Variants in UGT1A9 observed in about 807,000 individuals in gnomAD.
UGT1A9 encodes the protein UDP-glucuronosyltransferase 1A9.
Under a neutral mutation model 45.0 loss-of-function variants are expected in UGT1A9, and 35 were observed. The ratio of observed to expected loss-of-function variants is 0.78; its 90% CI spans 0.59 to 1.03. The LOEUF is 1.03. UGT1A9 is among the 50% of genes least tolerant of loss of function. UGT1A9 has a pLI of 0.00. For synonymous variants in UGT1A9, 278 were observed against 250.6 expected (o/e 1.11, Z -1.03); for missense variants, 687 against 666.6 (o/e 1.03, Z -0.34).
chr2:233,754,446 C>A, intron 1 of UGT1A9: 1 of 350,362 alleles, frequency 2.9e-6, no homozygotes, highest in Non-Finnish European at 5.6e-6. Context: ...TTTATAAATT[C>A]TTGGGTACAG....
Position 233,769,813 on chromosome 2 carries a change from C to A in UGT1A9, c.1295+1374C>A. 2.1e-6 allele frequency: 2 copies of A among 945,300 alleles called. No individual in the cohort carries two copies. The highest frequency in any genetic ancestry group is 2.9e-6 in the Non-Finnish European group (2 of 681,442). 58.6% of individuals were successfully genotyped at this position (945,300 alleles called of 1,614,324 possible). On this transcript the variant is annotated intron_variant, in intron 4 of 4. Coordinates refer to ENST00000354728, the MANE Select transcript of UGT1A9 (RefSeq NM_021027.3). This position sits in a 1 kb window ranked among gnomAD's most constrained non-coding sequence, Gnocchi z 4.4. ...GAGGCTGCTATGAGCCGTGATCATG[C>A]CACTGCACTCCAGCAACCTGGGCAA...
At chr2:233,765,999 C>G (rs1036845415) in intron 1 of UGT1A9, among the ~76,000 whole-genome samples, 1 of 151,990 alleles carries the variant, frequency 6.6e-6, no homozygotes, top group Non-Finnish European at 1.5e-5. Flanking sequence ...CTCCAGTGGG[C>G]GTGGGTTATG....
chr2:233,690,029 C>A, intron 1 of UGT1A9: 1 of 430,514 alleles, frequency 2.3e-6, no homozygotes, highest in Non-Finnish European at 4.6e-6. Flanking sequence ...TCCTCAAGAT[C>A]TGGGCCCAGA....
rs1194232610 is a variant in UGT1A9, at chr2:233,672,699, G to T, written c.765G>T (p.Thr255=). ...ACACATCAATTTGGTTGTTGCGAAC[G>T]GACTTTGTTTTGGACTATCCCAAAC... is the stretch of plus-strand genomic sequence containing the variant. ...YSHTSIWLLR[T]DFVLDYPKPV... is the part of the protein sequence containing the mutation. The change falls in exon 1 of 5, where the codon ACG becomes ACT. Residue 255 remains threonine (T), a synonymous_variant. Transcript: ENST00000354728. 3.1e-6 allele frequency: 5 copies of T among 1,613,882 alleles called. No homozygotes were observed. The highest frequency in any genetic ancestry group is 4.2e-6 in the Non-Finnish European group (5 of 1,179,834).
chr2:233,755,177 G>A (rs1258738102), intron 1 of UGT1A9: 6 of 1,239,024 alleles, frequency 4.8e-6, no homozygotes, highest in Non-Finnish European at 6.6e-6. Flanking sequence ...TTTTGTCGGG[G>A]TGCCACTTGA....
intron 1 of UGT1A9, among the ~76,000 whole-genome samples, chr2:233,683,273 C>A (rs755879410): frequency 5.9e-5 from 9 of 151,828 alleles, no homozygotes; most frequent in Non-Finnish European, 1.2e-4. Flanking sequence ...TTTCTCTTGT[C>A]AATAAGTTAA....
At chr2:233,761,264 T>G in intron 1 of UGT1A9, 1 of 1,597,186 alleles carries the variant, frequency 6.3e-7, no homozygotes, top group Non-Finnish European at 8.5e-7. Flanking sequence ...TAATTTAAAA[T>G]GCCCTCTTTT....
chr2:233,690,436 C>T (rs1323004872), intron 1 of UGT1A9: 2 of 1,271,186 alleles, frequency 1.6e-6, no homozygotes, highest in African/African-American at 1.5e-5. Flanking sequence ...ATCTTTGGGT[C>T]TCTCCTCTAT....
chr2:233,766,919 C>T, intron 1 of UGT1A9, 115 bp from the exon 2 acceptor site: 7 of 1,549,656 alleles, frequency 4.5e-6, no homozygotes, highest in Non-Finnish European at 6.1e-6. Context: ...CTATCTCAAA[C>T]ACGCATGCCT....
At chr2:233,729,120 T>G (rs771266076) in intron 1 of UGT1A9, 117 of 1,612,970 alleles carry the variant, frequency 7.3e-5, no homozygotes, top group Non-Finnish European at 9.5e-5. Flanking sequence ...CCGTGTCTTC[T>G]GCTGAGATGG....
rs750764093 is a variant in UGT1A9, at chr2:233,682,056, C to G, written c.855+9267C>G. 3.1e-6 allele frequency: 5 copies of G among 1,613,984 alleles called. No individual in the cohort carries two copies. The African/African-American group carries it at 5.3e-5, about 17-fold the overall frequency. ...CCCATGGATGGGAGCCACTGGTTCACCATGCAGTCGGTGGTGGAGAAACTC... is the reference window on the plus strand; with the variant it reads ...CCCATGGATGGGAGCCACTGGTTCAGCATGCAGTCGGTGGTGGAGAAACTC... On this transcript the variant is annotated intron_variant, in intron 1 of 4. Transcript: ENST00000354728.
intron 4 of UGT1A9, 126 bp from the exon 5 acceptor site, chr2:233,772,136 A>G (rs1700469037): frequency 6.5e-7 from 1 of 1,547,408 alleles, no homozygotes; most frequent in Non-Finnish European, 8.7e-7. Flanking sequence ...AACAACAATA[A>G]TAGAAACAGG....
At chr2:233,724,199 C>T (rs1410873416) in intron 1 of UGT1A9, among the ~76,000 whole-genome samples, 7 of 127,042 alleles carry the variant, frequency 5.5e-5, no homozygotes, top group African/African-American at 1.3e-4. Context: ...GGTGGCTGGC[C>T]GGGCTGAGGG....
At chr2:233,770,241 C>G (rs1700043521) in intron 4 of UGT1A9, 1 of 152,162 alleles carries the variant, frequency 6.6e-6, no homozygotes, top group Non-Finnish European at 1.5e-5. Context: ...CTCCATGATT[C>G]CAACACTCTG....
chr2:233,727,152 CTT>C (rs2077588377), intron 1 of UGT1A9, among the ~76,000 whole-genome samples: 1 of 152,188 alleles, frequency 6.6e-6, no homozygotes, highest in South Asian at 2.1e-4. Context: ...ACAGGTCAGT[CTT>C]TCAGGATGCT....
At chr2:233,718,360 T>C (rs2076649371) in intron 1 of UGT1A9, among the ~76,000 whole-genome samples, 1 of 152,232 alleles carries the variant, frequency 6.6e-6, no homozygotes, top group Non-Finnish European at 1.5e-5. Context: ...TGCTGTGTTA[T>C]TCACATATGA....
At chr2:233,740,871 A>C (rs1370147954) in intron 1 of UGT1A9, 1 of 151,850 alleles carries the variant, frequency 6.6e-6, no homozygotes, top group Non-Finnish European at 1.5e-5. Context: ...TCTTTAAATA[A>C]AATGCTCTTG....
At chr2:233,674,763 G>T (rs1373199990) in intron 1 of UGT1A9, among the ~76,000 whole-genome samples, 1 of 152,070 alleles carries the variant, frequency 6.6e-6, no homozygotes, top group Non-Finnish European at 1.5e-5. Flanking sequence ...ATGACTATAC[G>T]TGTAAAGCCA....
At chr2:233,725,764 C>G (rs1373965651) in intron 1 of UGT1A9, among the ~76,000 whole-genome samples, 2 of 152,148 alleles carry the variant, frequency 1.3e-5, no homozygotes, top group Admixed American at 1.3e-4. Context: ...ACATTTTCTT[C>G]ACATAGTTTG....
Sources: allele counts gnomAD v4.1 joint callset (sites outside exome capture counted in the v4.1 genomes callset), GRCh38; gene constraint gnomAD v4.1.1; non-coding constraint Gnocchi (gnomAD v3.1); transcripts MANE v1.5; gene names NCBI Gene and HGNC (gene_info 2026-07-23, HGNC 2026-07-21).